CPLX1: variants seen among roughly 807,000 people sequenced by gnomAD.
The protein encoded by CPLX1 is complexin-1.
CPLX1 carries 6 observed loss-of-function variants against 15.6 expected under a neutral mutation model. The observed-to-expected ratio is 0.39, with a 90% CI of 0.21 to 0.76. The LOEUF is 0.76. CPLX1 is among the 30% of genes least tolerant of loss of function. CPLX1 has a pLI of 0.43. For missense variants in CPLX1, 242 were observed against 188.6 expected (o/e 1.28, Z -1.66); for synonymous variants, 91 against 75.2 (o/e 1.21, Z -1.08).
At chr4:808,863 T>A (rs1377827116) in intron 2 of CPLX1, among the ~76,000 whole-genome samples, 1 of 152,244 alleles carries the variant, frequency 6.6e-6, no homozygotes, top group Non-Finnish European at 1.5e-5. Flanking sequence ...TTTCAAACAT[T>A]CAAGAAACAG....
At chr4:800,891 C>T (rs1033496877) in intron 2 of CPLX1, among the ~76,000 whole-genome samples, 2 of 150,038 alleles carry the variant, frequency 1.3e-5, no homozygotes, top group African/African-American at 2.5e-5. Flanking sequence ...GTGACGGGCA[C>T]CCGTAATCCC....
At chr4:798,783 C>T (rs1207765513) in intron 2 of CPLX1, among the ~76,000 whole-genome samples, 1 of 152,152 alleles carries the variant, frequency 6.6e-6, no homozygotes, top group Non-Finnish European at 1.5e-5. Context: ...TTACCTGACA[C>T]TTTATATAAA....
At chr4:819,021 C>A (rs1746813295) in intron 2 of CPLX1, among the ~76,000 whole-genome samples, 1 of 152,252 alleles carries the variant, frequency 6.6e-6, no homozygotes, top group Admixed American at 6.5e-5. Flanking sequence ...TTTGCGTGGA[C>A]TCAATGTTCA....
Position 786,635 on chromosome 4 carries a change from C to T in CPLX1, c.271G>A (p.Glu91Lys), listed in dbSNP as rs930060514. Residue 91 changes from glutamate to lysine, a missense_variant, in exon 4 of 4, where the codon GAG becomes AAG. Transcript: ENST00000304062. The part of the protein sequence containing the change: ...EAQAAMEANS[E>K]GSLTRPKKAI... ...TTCTTGGGCCGCGTCAAGCTCCCCT[C>T]GGAGTTGGCCTCCATGGCGGCCTGG... 1.5e-5 allele frequency: 24 copies of T among 1,612,352 alleles called. No individual in the cohort carries two copies. Among genetic ancestry groups the T allele is most frequent in the Non-Finnish European group, 6.8e-6 (8 of 1,179,394 alleles).
intron 3 of CPLX1, among the ~76,000 whole-genome samples, chr4:789,582 T>C (rs910334560): frequency 2.0e-5 from 3 of 152,098 alleles, no homozygotes; most frequent in African/African-American, 7.2e-5. Flanking sequence ...GGCCCAGGTG[T>C]GGGCTGCCCA....
chr4:788,634 T>C, intron 3 of CPLX1: 4 of 977,212 alleles, frequency 4.1e-6, no homozygotes, highest in Non-Finnish European at 4.9e-6. Context: ...GTTCTCGTCC[T>C]AGCCATCCAC....
rs1243570339 is a variant in CPLX1, at chr4:785,502, G to A, written c.*999C>T. 1 of 152,584 alleles carries A rather than the reference G, an allele frequency of 6.6e-6. No homozygotes were observed. The highest frequency in any genetic ancestry group is 1.5e-5 in the Non-Finnish European group (1 of 68,040). The allele number at this position is 152,584 out of a possible 1,614,324, so 9.5% of individuals were successfully genotyped here. A position where few individuals can be genotyped will look rare whatever the true frequency, so the allele number is the denominator to read the frequency against. On this transcript the variant is annotated 3_prime_UTR_variant, in exon 4 of 4. Transcript: ENST00000304062. ...TTAAATGCAAAGACCTCATTTACCT[G>A]AGATTCAACAAATTGTGATGCAAAT...
Position 804,858 on chromosome 4 carries a change from G to A in CPLX1, c.32-12250C>T, listed in dbSNP as rs552505670. On this transcript the variant is annotated intron_variant, in intron 2 of 3. Coordinates refer to ENST00000304062, the MANE Select transcript of CPLX1 (RefSeq NM_006651.4). ...GGGGAGCGACGTGCTCAGCCTCCAC[G>A]GGAAAGGTGGGCGGCGGCAGCCATT... The A allele has an allele frequency of 1.5e-4, 138 of 948,402 alleles. 2 individuals are homozygous for A. The South Asian group carries it at 5.8e-3, about 40-fold the overall frequency. 58.7% of individuals were successfully genotyped at this position (948,402 alleles called of 1,614,324 possible). A position where few individuals can be genotyped will look rare whatever the true frequency, so the allele number is the denominator to read the frequency against.
chr4:802,923 C>T (rs911717044), intron 2 of CPLX1, among the ~76,000 whole-genome samples: 1 of 150,272 alleles, frequency 6.7e-6, no homozygotes, highest in African/African-American at 2.5e-5. Context: ...TGTACTCCAG[C>T]CTGAGCATTA....
chr4:819,930 T>A (rs1746829893), intron 2 of CPLX1, among the ~76,000 whole-genome samples: 1 of 152,176 alleles, frequency 6.6e-6, no homozygotes, highest in African/African-American at 2.4e-5. Flanking sequence ...TGGCACCAGG[T>A]CCCCAGTAGC....
At chr4:810,046 T>C (rs1284917159) in intron 2 of CPLX1, among the ~76,000 whole-genome samples, 9 of 139,762 alleles carry the variant, frequency 6.4e-5, no homozygotes, top group Non-Finnish European at 1.1e-4. Flanking sequence ...ATCTGCACTT[T>C]CTTTTTTTTT....
chr4:825,923 AG>A (rs1746976994), intron 1 of CPLX1, 122 bp downstream of exon 1: 1 of 106,970 alleles, frequency 9.3e-6, no homozygotes, highest in Non-Finnish European at 1.9e-5. Flanking sequence ...GGGGCCGGGA[AG>A]GAGAAACCGG....
intron 1 of CPLX1, among the ~76,000 whole-genome samples, chr4:825,716 G>A (rs1344692082): frequency 6.7e-6 from 1 of 149,828 alleles, no homozygotes; most frequent in Non-Finnish European, 1.5e-5. Flanking sequence ...GCAGTGGACA[G>A]CGCCCGCCCC....
intron 2 of CPLX1, among the ~76,000 whole-genome samples, chr4:823,241 TAA>T (rs1417020415): frequency 6.6e-6 from 1 of 152,184 alleles, no homozygotes; most frequent in African/African-American, 2.4e-5. Flanking sequence ...GCAGCCATTA[TAA>T]TTAGACTCAA....
intron 2 of CPLX1, among the ~76,000 whole-genome samples, chr4:819,677 C>T (rs1054952497): frequency 2.0e-5 from 3 of 152,212 alleles, no homozygotes; most frequent in Non-Finnish European, 4.4e-5. Context: ...CACCCGGCCT[C>T]TGTTTGGAGT....
chr4:822,587 G>A (rs1485563482), intron 2 of CPLX1, among the ~76,000 whole-genome samples: 1 of 151,904 alleles, frequency 6.6e-6, no homozygotes. Context: ...GCCTTTCTTT[G>A]AACGGCTTCC....
rs1745991995 is a variant in CPLX1 at position 786,472 on chromosome 4, GC to G, written c.*28del. 2.6e-6 allele frequency: 4 copies of G among 1,522,654 alleles called. No homozygotes were observed. Among genetic ancestry groups the G allele is most frequent in the Middle Eastern group, 2.2e-4 (1 of 4,530 alleles). The allele number at this position is 1,522,654 out of a possible 1,614,324, so 94.3% of individuals were successfully genotyped here. ...AGGATCTGTAGGGGGAGGGGCGGGG[GC>G]TCCGCGGGGCCGCTGTCCCGCGCGC... On this transcript the variant is annotated 3_prime_UTR_variant, in exon 4 of 4. Coordinates refer to ENST00000304062, the MANE Select transcript of CPLX1 (RefSeq NM_006651.4).
At chr4:824,287 T>A (rs1293375375) in intron 2 of CPLX1, among the ~76,000 whole-genome samples, 4 of 152,328 alleles carry the variant, frequency 2.6e-5, no homozygotes, top group Middle Eastern at 3.4e-3. Flanking sequence ...GAACACCAGT[T>A]CTGGCTCGGG....
chr4:792,804 C>G, intron 2 of CPLX1, 196 bp from the exon 3 acceptor site: 1 of 596,336 alleles, frequency 1.7e-6, no homozygotes, highest in East Asian at 3.0e-5. Flanking sequence ...GACCCTCCAT[C>G]CAGTGTGCTG....
Sources: allele counts gnomAD v4.1 joint callset (sites outside exome capture counted in the v4.1 genomes callset), GRCh38; gene constraint gnomAD v4.1.1; transcripts MANE v1.5; gene names NCBI Gene and HGNC (gene_info 2026-07-23, HGNC 2026-07-21).